Variants in SCN8A observed in about 807,000 individuals in gnomAD.
SCN8A encodes the protein sodium voltage-gated channel alpha subunit 8.
SCN8A carries 30 observed loss-of-function variants against 184.1 expected under a neutral mutation model. The observed-to-expected ratio is 0.16, with a 90% CI of 0.12 to 0.22. The LOEUF is 0.22. Ranked by LOEUF, SCN8A falls within the 10% of genes least tolerant of loss-of-function variation. The pLI, the probability that SCN8A is intolerant of heterozygous loss-of-function variation, is 1.00. For missense variants in SCN8A, 1,057 were observed against 2,498.9 expected, an observed-to-expected ratio of 0.42 and a Z score of 12.30; for synonymous variants, 852 against 907.0, an observed-to-expected ratio of 0.94 and a Z score of 1.09.
intron 1 of SCN8A, among the ~76,000 whole-genome samples, chr12:51,644,957 G>A (rs1424316338): frequency 2.6e-5 from 4 of 151,392 alleles, no homozygotes; most frequent in East Asian, 2.0e-4. Flanking sequence ...GAGCCCCTCC[G>A]CCCAGCAGCC....
At chr12:51,637,469 T>C (rs1445987090) in intron 1 of SCN8A, among the ~76,000 whole-genome samples, 3 of 152,218 alleles carry the variant, frequency 2.0e-5, no homozygotes, top group Non-Finnish European at 2.9e-5. Context: ...AAAGTGCTAC[T>C]CTAGTGAACA....
chr12:51,684,406 A>G (rs1268636955), intron 3 of SCN8A, 114 bp downstream of exon 3: 5 of 697,638 alleles, frequency 7.2e-6, no homozygotes, highest in Non-Finnish European at 1.3e-5. Context: ...AGTGTAGTTA[A>G]CTAGCCCATC....
intron 26 of SCN8A, among the ~76,000 whole-genome samples, chr12:51,805,645 TACTC>T (rs1390121404): frequency 6.6e-6 from 1 of 151,804 alleles, no homozygotes; most frequent in African/African-American, 2.4e-5. Context: ...CCATTCCAGT[TACTC>T]AGGAGGTCTG....
chr12:51,697,211 A>C (rs147225627), intron 6 of SCN8A, among the ~76,000 whole-genome samples: 254 of 152,286 alleles, frequency 1.7e-3, no homozygotes, highest in African/African-American at 5.8e-3. Context: ...CAAGCGCTTC[A>C]TAATCCCTTT....
At chr12:51,609,370 T>G (rs1472808534) in intron 1 of SCN8A, among the ~76,000 whole-genome samples, 2 of 152,242 alleles carry the variant, frequency 1.3e-5, no homozygotes. Flanking sequence ...TGATGACCTG[T>G]GTAGTGCCGT....
chr12:51,750,547 T>C (rs371729604), intron 13 of SCN8A, among the ~76,000 whole-genome samples: 1 of 152,094 alleles, frequency 6.6e-6, no homozygotes, highest in Non-Finnish European at 1.5e-5. Flanking sequence ...TGTAAACTTG[T>C]TAAGGGTGGA....
Position 51,701,098 on chromosome 12 carries a change from C to G in SCN8A, c.929-46C>G, listed in dbSNP as rs768729706. On this transcript the variant is annotated intron_variant, in intron 7 of 26. Coordinates refer to ENST00000627620, the MANE Select transcript of SCN8A (RefSeq NM_001330260.2). Reference sequence around the variant, plus strand: ...AACAGTGTAACCTTATTCTCTCATTCACTTAAATCTGCCTGTTCATTTCCT... The same window carrying G: ...AACAGTGTAACCTTATTCTCTCATTGACTTAAATCTGCCTGTTCATTTCCT... The G allele has an allele frequency of 1.9e-5, 25 of 1,310,674 alleles. No individual in the cohort carries two copies. The South Asian group carries it at 2.8e-4, about 15-fold the overall frequency. 81.2% of individuals were successfully genotyped at this position (1,310,674 alleles called of 1,614,324 possible).
intron 20 of SCN8A, among the ~76,000 whole-genome samples, chr12:51,777,373 C>T (rs957220165): frequency 6.6e-6 from 1 of 152,200 alleles, no homozygotes; most frequent in Non-Finnish European, 1.5e-5. Context: ...AGCCTTCTCA[C>T]CTCAGCCTCC....
chr12:51,710,529 C>T (rs1046400384), intron 11 of SCN8A, among the ~76,000 whole-genome samples: 2 of 152,084 alleles, frequency 1.3e-5, no homozygotes, highest in African/African-American at 4.8e-5. Context: ...CGTGGTGGCC[C>T]ATGCCTGTAG....
At chr12:51,805,483 TTA>T (rs149031078) in intron 26 of SCN8A, among the ~76,000 whole-genome samples, 1 of 150,234 alleles carries the variant, frequency 6.7e-6, no homozygotes, top group African/African-American at 2.4e-5. Context: ...TAGTAGGAAA[TTA>T]TATATATATA....
chr12:51,749,121 A>G (rs1049426733), intron 13 of SCN8A, among the ~76,000 whole-genome samples: 4 of 152,220 alleles, frequency 2.6e-5, no homozygotes, highest in Admixed American at 1.3e-4. Flanking sequence ...ACAGTTTGCA[A>G]AGTCATAAGT....
At chr12:51,774,655 T>C (rs1302924987) in intron 20 of SCN8A, among the ~76,000 whole-genome samples, 2 of 152,116 alleles carry the variant, frequency 1.3e-5, no homozygotes, top group Non-Finnish European at 2.9e-5. Context: ...CAAAGGCCCT[T>C]GTTATTAGGC....
chr12:51,734,494 C>T (rs1942292237), intron 12 of SCN8A, among the ~76,000 whole-genome samples: 1 of 152,260 alleles, frequency 6.6e-6, no homozygotes, highest in African/African-American at 2.4e-5. Context: ...CCTTAAGACA[C>T]AGATCGCTCA....
rs373040746 is a variant in SCN8A, at chr12:51,768,914, A to G, written c.2951A>G (p.Asn984Ser). The part of the protein sequence containing the change: ...ALLLSSFSAD[N>S]LAATDDDGEM... ...CTCCTGAGCTCCTTCAGTGCAGACA[A>G]CCTGGCTGCCACAGATGACGATGGG... is the stretch of plus-strand genomic sequence containing the variant. Residue 984 changes from asparagine (N) to serine (S), a missense_variant, in exon 17 of 27, where the codon AAC (asparagine) becomes AGC (serine). By Grantham distance (46) the Asn-to-Ser change is conservative (BLOSUM62 1). Around this residue, in one of 19 missense-constraint regions of SCN8A, gnomAD observed 66 missense variants for 310.6 expected, o/e 0.21. Transcript: ENST00000627620. The G allele has an allele frequency of 3.1e-6, 5 of 1,599,576 alleles. No individual in the cohort carries two copies. Among genetic ancestry groups the G allele is most frequent in the African/African-American group, 2.7e-5 (2 of 74,664 alleles).
At chr12:51,785,765 T>G (rs1938067621) in intron 21 of SCN8A, among the ~76,000 whole-genome samples, 1 of 152,136 alleles carries the variant, frequency 6.6e-6, no homozygotes, top group South Asian at 2.1e-4. Context: ...AAAACTCTCT[T>G]AAAAACCTTA....
intron 14 of SCN8A, 95 bp from the exon 15 acceptor site, chr12:51,762,408 T>G (rs1480489090): frequency 2.2e-5 from 26 of 1,184,510 alleles, no homozygotes; most frequent in Admixed American, 8.0e-5. Flanking sequence ...AGGTTAACTC[T>G]TGAGGTTTCT....
At chr12:51,804,855 G>C (rs1938654891) in intron 26 of SCN8A, among the ~76,000 whole-genome samples, 1 of 152,158 alleles carries the variant, frequency 6.6e-6, no homozygotes, top group Admixed American at 6.5e-5. Context: ...AGTCCCTTTA[G>C]TTTTCTAGGC....
chr12:51,774,421 T>C, intron 20 of SCN8A, 59 bp downstream of exon 20: 1 of 1,494,694 alleles, frequency 6.7e-7, no homozygotes, highest in Non-Finnish European at 9.0e-7. Flanking sequence ...AACAGGGGTC[T>C]CTCTTTTTCT....
At chr12:51,761,786 G>C (rs1447689871) in intron 14 of SCN8A, among the ~76,000 whole-genome samples, 1 of 152,084 alleles carries the variant, frequency 6.6e-6, no homozygotes, top group East Asian at 1.9e-4. Flanking sequence ...ATCATCCCCA[G>C]CCGCCAGTAG....
Sources: allele counts gnomAD v4.1 joint callset (sites outside exome capture counted in the v4.1 genomes callset), GRCh38; gene constraint gnomAD v4.1.1; regional missense constraint gnomAD v4.1.1; transcripts MANE v1.5; gene names NCBI Gene and HGNC (gene_info 2026-07-23, HGNC 2026-07-21).